The following DPYSL4 variants were observed in gnomAD, a reference collection of about 807,000 sequenced individuals.
The protein encoded by DPYSL4 is dihydropyrimidinase-related protein 4.
Under a neutral mutation model 63.4 loss-of-function variants are expected in DPYSL4, and 43 were observed. That is an observed-to-expected ratio of 0.68 (90% CI 0.53 to 0.88). The LOEUF (loss-of-function observed/expected upper bound fraction) is 0.88. DPYSL4 is among the 40% of genes least tolerant of loss of function. The probability of loss-of-function intolerance (pLI) is 0.00; values close to 1 mark genes in which losing one functional copy is unlikely to be tolerated. For synonymous variants in DPYSL4, 353 were observed against 331.7 expected (o/e 1.06, Z -0.70); for missense variants, 733 against 819.5 (o/e 0.89, Z 1.29).
At chr10:132,204,401 G>A (rs550189981) in intron 13 of DPYSL4, among the ~76,000 whole-genome samples, 5 of 152,296 alleles carry the variant, frequency 3.3e-5, no homozygotes, top group African/African-American at 4.8e-5. Context: ...GGCCTCTGGC[G>A]TCGCTTCTGG....
At chr10:132,195,929 G>C (rs112842114) in intron 4 of DPYSL4, among the ~76,000 whole-genome samples, 1 of 152,220 alleles carries the variant, frequency 6.6e-6, no homozygotes, top group African/African-American at 2.4e-5. Flanking sequence ...CTCCCCAAGA[G>C]CCATGCAGGA....
chr10:132,204,780 A>G, intron 13 of DPYSL4, 59 bp from the exon 14 acceptor site: 9 of 1,472,706 alleles, frequency 6.1e-6, no homozygotes, highest in Non-Finnish European at 8.3e-6. Flanking sequence ...TCACGCCTTG[A>G]ATAGAAGGGC....
rs1395636392 is a variant in DPYSL4 at position 132,205,596 on chromosome 10, CTG to C, written c.*668_*669del. ...AGTTTTGCGATCCTTTAGGAAGACA[CTG>C]TCCTCTTATTACAGATTGTGTATTT... On this transcript the variant is annotated 3_prime_UTR_variant, in exon 14 of 14. Transcript: ENST00000338492. 6.6e-6 allele frequency: 1 copy of C among 152,508 alleles called. No individual in the cohort carries two copies. Among genetic ancestry groups the C allele is most frequent in the East Asian group, 1.9e-4 (1 of 5,202 alleles). The allele number at this position is 152,508 out of a possible 1,614,324, so 9.4% of individuals were successfully genotyped here.
intron 13 of DPYSL4, among the ~76,000 whole-genome samples, chr10:132,204,581 G>A (rs966226158): frequency 4.6e-5 from 7 of 152,122 alleles, no homozygotes; most frequent in African/African-American, 9.7e-5. Flanking sequence ...GGTTCCTCTC[G>A]GGACAGGAAG....
intron 13 of DPYSL4, 110 bp downstream of exon 13, chr10:132,204,037 C>T (rs1198423065): frequency 3.6e-6 from 5 of 1,380,380 alleles, no homozygotes; most frequent in Non-Finnish European, 5.0e-6. Flanking sequence ...CGGAAGGCAC[C>T]CAGCTGGGGA....
intron 6 of DPYSL4, 95 bp from the exon 7 acceptor site, chr10:132,198,320 C>G: frequency 7.9e-7 from 1 of 1,264,074 alleles, no homozygotes; most frequent in Non-Finnish European, 1.1e-6. Context: ...GGTCCAGGAC[C>G]ACTTGGGGAA....
At position 132,198,985 on chromosome 10, in the gene DPYSL4, C is replaced by A. The variant is rs1222023593; in HGVS notation, c.811+14C>A. ...CCAAGCGCAGAGGTGAGCACCCAGC[C>A]CCGCCTCTGATGCCGAGGGGCCATG... is the stretch of plus-strand genomic sequence containing the variant. On this transcript the variant is annotated intron_variant, in intron 8 of 13. Transcript: ENST00000338492. 6.2e-7 allele frequency: 1 copy of A among 1,602,716 alleles called. No individual in the cohort carries two copies.
At position 132,190,780 on chromosome 10, in the gene DPYSL4, G is replaced by A. The variant is rs1411933450; in HGVS notation, c.73G>A (p.Val25Met). 1 of 1,613,490 alleles carries A rather than the reference G, an allele frequency of 6.2e-7. No homozygotes were observed. Among genetic ancestry groups the A allele is most frequent in the Non-Finnish European group, 8.5e-7 (1 of 1,179,686 alleles). ...CCTTCTGATCAGAGGTGGGAGGATC[G>A]TGAATGACGACCAGTCCTTTTACGC... Reference protein sequence around the residue: ...DRLLIRGGRIVNDDQSFYADV... With the variant: ...DRLLIRGGRIMNDDQSFYADV... Residue 25 changes from valine (V) to methionine (M), a missense_variant, in exon 2 of 14, where the codon GTG becomes ATG. By Grantham distance (21) the Val-to-Met change is conservative. Coordinates refer to ENST00000338492, the MANE Select transcript of DPYSL4 (RefSeq NM_006426.3).
chr10:132,197,162 C>T, intron 6 of DPYSL4, 61 bp downstream of exon 6: 1 of 1,398,750 alleles, frequency 7.1e-7, no homozygotes, highest in Non-Finnish European at 9.5e-7. Flanking sequence ...CAGGGGCTGC[C>T]TGTGGGGTGG....
At position 132,200,981 on chromosome 10, in the gene DPYSL4, G is replaced by A; in HGVS notation, c.1108G>A (p.Val370Met). The A allele has an allele frequency of 6.2e-7, 1 of 1,613,036 alleles. No homozygotes were observed. Among genetic ancestry groups the A allele is most frequent in the Non-Finnish European group, 8.5e-7 (1 of 1,179,886 alleles). Residue 370 changes from valine (V) to methionine (M), a missense_variant and splice_region_variant, in exon 10 of 14, where the codon GTG becomes ATG. Transcript: ENST00000338492. ...CATGTCGATGGTCTGGGAGAAATGT[G>A]TGGTGAGCACAGGCCTGGCCGGGGC... is the stretch of plus-strand genomic sequence containing the variant. Reference protein sequence around the residue: ...ERMSMVWEKCVASGKMDENEF... With the variant: ...ERMSMVWEKCMASGKMDENEF...
intron 4 of DPYSL4, among the ~76,000 whole-genome samples, chr10:132,195,429 A>T (rs968588102): frequency 7.2e-5 from 11 of 152,226 alleles, no homozygotes; most frequent in African/African-American, 2.7e-4. Context: ...CCCACAAAAA[A>T]CCCTGAAGCT....
At chr10:132,192,333 C>G in intron 2 of DPYSL4, 1 of 1,018,366 alleles carries the variant, frequency 9.8e-7, no homozygotes, top group Middle Eastern at 4.8e-4. Context: ...ATACTGGTGC[C>G]CACATCTATT....
chr10:132,191,868 C>T (rs2637625), intron 2 of DPYSL4, among the ~76,000 whole-genome samples: 11,623 of 134,130 alleles, frequency 0.087, 550 homozygotes, highest in Middle Eastern at 0.15. Context: ...CGTGTGTACA[C>T]GCTGGTCATG....
At chr10:132,204,692 C>A in intron 13 of DPYSL4, 147 bp from the exon 14 acceptor site, 1 of 591,518 alleles carries the variant, frequency 1.7e-6, no homozygotes, top group Non-Finnish European at 2.8e-6. Context: ...GGCACCTGGT[C>A]TGCTTGGCCT....
At position 132,194,831 on chromosome 10, in the gene DPYSL4, T is replaced by C. The variant is rs370751719; in HGVS notation, c.314-14T>C. 1 of 1,609,752 alleles carries C rather than the reference T, an allele frequency of 6.2e-7. No individual in the cohort carries two copies. Among genetic ancestry groups the C allele is most frequent in the Non-Finnish European group, 8.5e-7 (1 of 1,177,752 alleles). ...GACCAGTGGGGGAAGCTGCTGACCATGCTGCCTTCACAGTGGACCACGTCT... is the reference window on the plus strand; with the variant it reads ...GACCAGTGGGGGAAGCTGCTGACCACGCTGCCTTCACAGTGGACCACGTCT... On this transcript the variant is annotated splice_polypyrimidine_tract_variant and intron_variant, in intron 3 of 13. Transcript: ENST00000338492.
intron 11 of DPYSL4, 111 bp from the exon 12 acceptor site, chr10:132,202,535 C>T: frequency 7.2e-7 from 1 of 1,383,946 alleles, no homozygotes; most frequent in Non-Finnish European, 9.9e-7. Context: ...TCAGTGTAGG[C>T]ACACCGGGCC....
At chr10:132,202,376 C>T (rs1382678462) in intron 11 of DPYSL4, among the ~76,000 whole-genome samples, 1 of 152,260 alleles carries the variant, frequency 6.6e-6, no homozygotes, top group African/African-American at 2.4e-5. Context: ...GTGCACCTGC[C>T]TAGCCAAGGG....
Position 132,192,651 on chromosome 10 carries a change from C to G in DPYSL4, c.129-7C>G, listed in dbSNP as rs973335296. The G allele has an allele frequency of 3.1e-6, 5 of 1,596,692 alleles. No homozygotes were observed. The highest frequency in any genetic ancestry group is 4.3e-6 in the Non-Finnish European group (5 of 1,170,822). On this transcript the variant is annotated splice_region_variant and splice_polypyrimidine_tract_variant and intron_variant, in intron 2 of 13. Transcript: ENST00000338492. ...CCTGTAACCAGTGAAATCTCTGCTG[C>G]TTTCAGACAAATCGGAGAAAACCTC...
intron 10 of DPYSL4, among the ~76,000 whole-genome samples, chr10:132,201,355 C>G (rs930105474): frequency 3.9e-5 from 6 of 152,192 alleles, no homozygotes; most frequent in African/African-American, 1.4e-4. Flanking sequence ...CATCCTCAGC[C>G]CCACCTCCCC....
Sources: gnomAD v4.1 joint callset for allele counts (sites outside exome capture counted in the v4.1 genomes callset) on GRCh38, gnomAD v4.1.1 for gene constraint, MANE v1.5 for transcripts, NCBI Gene and HGNC (gene_info 2026-07-23, HGNC 2026-07-21) for gene names.